The following EDARADD variants were observed in gnomAD, a reference collection of about 807,000 sequenced individuals.
The protein encoded by EDARADD is ectodysplasin-A receptor-associated adapter protein.
In EDARADD, 20 loss-of-function variants were observed where a neutral mutation model predicts 25.6. That is an observed-to-expected ratio of 0.78 (90% CI 0.55 to 1.14). EDARADD has a LOEUF of 1.14. EDARADD is among the 50% of genes most tolerant of loss of function. The pLI is 0.00. For missense variants in EDARADD, 225 were observed against 270.1 expected (o/e 0.83, Z 1.17); for synonymous variants, 86 against 94.4 (o/e 0.91, Z 0.52).
At chr1:236,359,205 A>G (rs1437232137) in intron 3 of EDARADD, among the ~76,000 whole-genome samples, 1 of 152,104 alleles carries the variant, frequency 6.6e-6, no homozygotes, top group African/African-American at 2.4e-5. Flanking sequence ...TTAGTCCCCT[A>G]TTGGCTGCAC....
At chr1:236,403,381 G>A (rs890572386) in intron 1 of EDARADD, among the ~76,000 whole-genome samples, 2 of 152,020 alleles carry the variant, frequency 1.3e-5, no homozygotes, top group African/African-American at 4.8e-5. Context: ...TCCGCCTTCC[G>A]GGCTCACACC....
intron 3 of EDARADD, among the ~76,000 whole-genome samples, chr1:236,422,709 A>C (rs1657813001): frequency 6.6e-6 from 1 of 152,172 alleles, no homozygotes; most frequent in Non-Finnish European, 1.5e-5. Flanking sequence ...CAGATAACCT[A>C]GGAGTCTGCA....
chr1:236,406,691 C>G (rs1667746181), intron 1 of EDARADD, among the ~76,000 whole-genome samples: 1 of 152,240 alleles, frequency 6.6e-6, no homozygotes, highest in African/African-American at 2.4e-5. Flanking sequence ...CATGTTCTCT[C>G]TCTTCTCTGT....
At chr1:236,478,464 G>C (rs1488581762) in intron 5 of EDARADD, among the ~76,000 whole-genome samples, 1 of 150,690 alleles carries the variant, frequency 6.6e-6, no homozygotes, top group Admixed American at 6.7e-5. Context: ...ATATGTGTGT[G>C]TGTGTATATA....
chr1:236,413,154 G>A (rs911949255), intron 2 of EDARADD, among the ~76,000 whole-genome samples: 1 of 152,208 alleles, frequency 6.6e-6, no homozygotes, highest in African/African-American at 2.4e-5. Flanking sequence ...GTGAGCCACC[G>A]CACCCAGCCT....
chr1:236,470,022 C>T (rs866960571), intron 5 of EDARADD, among the ~76,000 whole-genome samples: 29 of 152,112 alleles, frequency 1.9e-4, no homozygotes, highest in Non-Finnish European at 2.6e-4. Flanking sequence ...TTTCTCGAAC[C>T]CCTGAGCTCA....
upstream of EDARADD, among the ~76,000 whole-genome samples, chr1:236,389,871 T>TG (rs1166254582): frequency 1.3e-5 from 2 of 151,896 alleles, no homozygotes; most frequent in Non-Finnish European, 2.9e-5. Flanking sequence ...TGGCCAGGCG[T>TG]GGTGGGGTAC....
At chr1:236,357,121 A>G (rs956483482) in intron 3 of EDARADD, among the ~76,000 whole-genome samples, 1 of 151,726 alleles carries the variant, frequency 6.6e-6, no homozygotes, top group African/African-American at 2.4e-5. Flanking sequence ...TTGATAGAGC[A>G]ATAAAAATGA....
intron 2 of EDARADD, among the ~76,000 whole-genome samples, chr1:236,410,034 G>C (rs765717600): frequency 1.3e-5 from 2 of 151,886 alleles, no homozygotes; most frequent in Non-Finnish European, 2.9e-5. Context: ...TGCTTTAAGG[G>C]TATCCAAAGA....
chr1:236,360,341 A>G (rs1667031181), intron 3 of EDARADD, among the ~76,000 whole-genome samples: 1 of 151,506 alleles, frequency 6.6e-6, no homozygotes, highest in Non-Finnish European at 1.5e-5. Flanking sequence ...GAAGAAGAAG[A>G]AGTGGGGATT....
At chr1:236,378,387 C>T (rs12141047) in intron 3 of EDARADD, among the ~76,000 whole-genome samples, 13,015 of 152,136 alleles carry the variant, frequency 0.086, 600 homozygotes, top group Middle Eastern at 0.13. Context: ...CAGAGAATTG[C>T]TAGCAACTCA....
At chr1:236,405,795 T>TTTCC (rs1558112538) in intron 1 of EDARADD, among the ~76,000 whole-genome samples, 1 of 95,246 alleles carries the variant, frequency 1.0e-5, no homozygotes, top group Non-Finnish European at 2.3e-5. Context: ...CTTTCTTTTC[T>TTTCC]TTTTCTTTCT....
intron 3 of EDARADD, among the ~76,000 whole-genome samples, chr1:236,422,012 G>A (rs1657797237): frequency 1.3e-5 from 2 of 152,178 alleles, no homozygotes; most frequent in Non-Finnish European, 2.9e-5. Flanking sequence ...AACTTTAGAG[G>A]TGTCCCCCTG....
chr1:236,354,804 C>T (rs1258615475), intron 3 of EDARADD, among the ~76,000 whole-genome samples: 6 of 152,270 alleles, frequency 3.9e-5, no homozygotes, highest in East Asian at 1.9e-4. Flanking sequence ...TCACCTTTAA[C>T]GTAAAGAGCC....
intron 4 of EDARADD, among the ~76,000 whole-genome samples, chr1:236,467,457 T>TACACACAC (rs928295054): frequency 9.7e-6 from 1 of 103,506 alleles, no homozygotes; most frequent in African/African-American, 3.4e-5. Context: ...CACACACACA[T>TACACACAC]ACACACACCT....
Position 236,462,928 on chromosome 1 carries a change from C to T in EDARADD, c.220-5303C>T, listed in dbSNP as rs564917033. Among the ~76,000 whole-genome samples, 15 of 152,326 alleles carry T rather than the reference C, an allele frequency of 9.8e-5. No homozygotes were observed. In the South Asian group the frequency reaches 2.9e-3, roughly 29 times the overall value. On this transcript the variant is annotated intron_variant, in intron 4 of 5. Coordinates refer to ENST00000334232, the MANE Select transcript of EDARADD (RefSeq NM_145861.4). Reference sequence around the variant, plus strand: ...TGAAACAACCCATGTCCAGGCCTCACACCTCGCCAATTAAATAAATGAGAA... The same window carrying T: ...TGAAACAACCCATGTCCAGGCCTCATACCTCGCCAATTAAATAAATGAGAA...
At chr1:236,394,761 A>C (rs1192903138) in intron 1 of EDARADD, among the ~76,000 whole-genome samples, 2 of 152,228 alleles carry the variant, frequency 1.3e-5, no homozygotes, top group Admixed American at 1.3e-4. Flanking sequence ...TTTAGTTAAA[A>C]TGTAGCAATC....
chr1:236,361,650 T>TATATATATATATA (rs1553262114), intron 3 of EDARADD, among the ~76,000 whole-genome samples: 12 of 149,038 alleles, frequency 8.1e-5, no homozygotes, highest in Non-Finnish European at 1.2e-4. Context: ...TATATATATA[T>TATATATATATATA]TCCTTCATAC....
chr1:236,381,839 G>A, intron 3 of EDARADD, among the ~76,000 whole-genome samples: 1 of 117,668 alleles, frequency 8.5e-6, no homozygotes, highest in African/African-American at 3.2e-5. Context: ...AGTTGGATGG[G>A]ATCTTATGTT....
Sources: gnomAD v4.1 joint callset for allele counts (sites outside exome capture counted in the v4.1 genomes callset) on GRCh38, gnomAD v4.1.1 for gene constraint, MANE v1.5 for transcripts, NCBI Gene and HGNC (gene_info 2026-07-23, HGNC 2026-07-21) for gene names.